The following RNF214 variants were observed in gnomAD, a reference collection of about 807,000 sequenced individuals.
The protein encoded by RNF214 is ring finger protein 214.
RNF214 carries 25 observed loss-of-function variants against 75.9 expected under a neutral mutation model. That is an observed-to-expected ratio of 0.33 (90% confidence interval 0.24 to 0.46). The LOEUF (loss-of-function observed/expected upper bound fraction) is 0.46. Ranked by LOEUF, RNF214 falls within the 20% of genes least tolerant of loss-of-function variation. RNF214 has a pLI of 1.00. For missense variants in RNF214, 725 were observed against 857.5 expected (o/e 0.85, Z 1.93); for synonymous variants, 314 against 308.8 (o/e 1.02, Z -0.18).
intron 6 of RNF214, among the ~76,000 whole-genome samples, chr11:117,267,531 A>T (rs2033821076): frequency 6.6e-6 from 1 of 151,824 alleles, no homozygotes; most frequent in African/African-American, 2.4e-5. Flanking sequence ...GGGCAACATA[A>T]TGAAACCCCC....
chr11:117,271,192 G>A (rs982825624), intron 6 of RNF214, among the ~76,000 whole-genome samples: 2 of 152,128 alleles, frequency 1.3e-5, no homozygotes, highest in African/African-American at 2.4e-5. Flanking sequence ...GAGTCACTTC[G>A]CCCAGCCAGT....
chr11:117,269,159 G>C (rs575193665), intron 6 of RNF214, among the ~76,000 whole-genome samples: 1 of 152,226 alleles, frequency 6.6e-6, no homozygotes, highest in South Asian at 2.1e-4. Context: ...AATCCCAGCA[G>C]CTGGGAGTCT....
intron 11 of RNF214, 33 bp from the exon 12 acceptor site, chr11:117,282,371 G>A: frequency 6.2e-7 from 1 of 1,611,524 alleles, no homozygotes; most frequent in Non-Finnish European, 8.5e-7. Context: ...GTATAGCATA[G>A]GCTTTCTCTC....
chr11:117,268,153 T>C (rs2033836214), intron 6 of RNF214, among the ~76,000 whole-genome samples: 1 of 152,226 alleles, frequency 6.6e-6, no homozygotes, highest in Non-Finnish European at 1.5e-5. Flanking sequence ...TTTATTATGG[T>C]AATTGGGGAG....
chr11:117,260,559 G>C (rs925786728), intron 6 of RNF214, among the ~76,000 whole-genome samples: 3 of 150,854 alleles, frequency 2.0e-5, no homozygotes, highest in East Asian at 4.0e-4. Flanking sequence ...TGTAATCCCA[G>C]CACTTTGGGA....
Position 117,244,497 on chromosome 11 carries a change from T to C in RNF214, c.731T>C (p.Leu244Pro). The C allele has an allele frequency of 6.2e-7, 1 of 1,613,330 alleles. No individual in the cohort carries two copies. The highest frequency in any genetic ancestry group is 8.5e-7 in the Non-Finnish European group (1 of 1,179,438). Residue 244 changes from leucine (L) to proline (P), a missense_variant, in exon 5 of 15, where the codon CTG becomes CCG. Around this residue, in one of 2 missense-constraint regions of RNF214, gnomAD observed 362 missense variants for 344.5 expected, o/e 1.05. Transcript: ENST00000300650. ...TTGAAAGAGCGTTACCAGGAGGTCCTGGACAAACAGAGGCAAGTGGAGAAT... is the reference window on the plus strand; with the variant it reads ...TTGAAAGAGCGTTACCAGGAGGTCCCGGACAAACAGAGGCAAGTGGAGAAT... ...TLLKERYQEVLDKQRQVENQL... is the reference protein window; with the variant it reads ...TLLKERYQEVPDKQRQVENQL...
chr11:117,244,031 A>C (rs1240467910), intron 4 of RNF214, among the ~76,000 whole-genome samples: 1 of 152,140 alleles, frequency 6.6e-6, no homozygotes, highest in Non-Finnish European at 1.5e-5. Context: ...GCCTAGGCTA[A>C]AGTGCAGTGG....
intron 6 of RNF214, among the ~76,000 whole-genome samples, chr11:117,274,356 CTTTTTTTTTTTT>C (rs11461326): frequency 6.3e-5 from 5 of 79,476 alleles, no homozygotes; most frequent in South Asian, 5.6e-4. Flanking sequence ...CAAATGACTT[CTTTTTTTTTTTT>C]TTTTTTTTTT....
intron 6 of RNF214, among the ~76,000 whole-genome samples, chr11:117,271,899 A>G (rs1266470492): frequency 6.6e-6 from 1 of 152,078 alleles, no homozygotes; most frequent in Non-Finnish European, 1.5e-5. Context: ...TGTAGCCTCT[A>G]CCTCCTGGGC....
At chr11:117,255,777 G>A (rs112357006) in intron 6 of RNF214, among the ~76,000 whole-genome samples, 5,395 of 152,092 alleles carry the variant, frequency 0.035, 141 homozygotes, top group Middle Eastern at 0.068. Flanking sequence ...TTTAGTTTTC[G>A]TAGAGTACCA....
At chr11:117,250,818 TA>T (rs2033357324) in intron 6 of RNF214, among the ~76,000 whole-genome samples, 1 of 146,898 alleles carries the variant, frequency 6.8e-6, no homozygotes, top group Non-Finnish European at 1.5e-5. Context: ...TGATGACTCT[TA>T]ACGAGCATGC....
intron 6 of RNF214, among the ~76,000 whole-genome samples, chr11:117,271,152 A>G (rs1403698255): frequency 6.7e-6 from 1 of 150,244 alleles, no homozygotes; most frequent in Non-Finnish European, 1.5e-5. Flanking sequence ...CGCCTGCCTC[A>G]GCCTCCCAAA....
At chr11:117,275,307 G>A (rs1035598368) in intron 6 of RNF214, among the ~76,000 whole-genome samples, 28 of 151,938 alleles carry the variant, frequency 1.8e-4, no homozygotes, top group African/African-American at 6.8e-4. Context: ...CAAAAAGACA[G>A]GTCACAAATT....
At chr11:117,241,504 C>T (rs1006811301) in intron 4 of RNF214, among the ~76,000 whole-genome samples, 19 of 149,732 alleles carry the variant, frequency 1.3e-4, no homozygotes, top group African/African-American at 9.9e-5. Context: ...TGCTTGAACC[C>T]GGGAGGTAGA....
chr11:117,255,752 C>A (rs771349859), intron 6 of RNF214, among the ~76,000 whole-genome samples: 3 of 152,136 alleles, frequency 2.0e-5, no homozygotes, highest in Non-Finnish European at 4.4e-5. Flanking sequence ...TTCTCTCTGT[C>A]ACTGTCAAGT....
chr11:117,269,005 CAGG>C (rs2033853419), intron 6 of RNF214, among the ~76,000 whole-genome samples: 2 of 152,110 alleles, frequency 1.3e-5, no homozygotes, highest in South Asian at 2.1e-4. Flanking sequence ...AGGGGAATTG[CAGG>C]AGAATGATAA....
At chr11:117,258,342 C>T (rs2033575595) in intron 6 of RNF214, among the ~76,000 whole-genome samples, 1 of 152,232 alleles carries the variant, frequency 6.6e-6, no homozygotes, top group East Asian at 1.9e-4. Context: ...CTGGGATTTA[C>T]AGGCGTGAGC....
At chr11:117,236,122 G>A (rs1238739528) in intron 2 of RNF214, among the ~76,000 whole-genome samples, 2 of 151,638 alleles carry the variant, frequency 1.3e-5, no homozygotes, top group African/African-American at 2.4e-5. Flanking sequence ...TTGGTAGCCC[G>A]GCTAATTTTT....
At chr11:117,275,667 C>G (rs1341314272) in intron 6 of RNF214, among the ~76,000 whole-genome samples, 2 of 152,144 alleles carry the variant, frequency 1.3e-5, no homozygotes, top group African/African-American at 4.8e-5. Flanking sequence ...TGGAAACACA[C>G]AACCCCCCAA....
Sources: allele counts gnomAD v4.1 joint callset (sites outside exome capture counted in the v4.1 genomes callset), GRCh38; gene constraint gnomAD v4.1.1; regional missense constraint gnomAD v4.1.1; transcripts MANE v1.5; gene names NCBI Gene and HGNC (gene_info 2026-07-23, HGNC 2026-07-21).